Variants in GADL1 observed in about 807,000 individuals in gnomAD.
GADL1 encodes the protein acidic amino acid decarboxylase GADL1.
Under a neutral mutation model 69.5 loss-of-function variants are expected in GADL1, and 71 were observed. The ratio of observed to expected loss-of-function variants is 1.02; its 90% CI spans 0.84 to 1.25. The LOEUF (loss-of-function observed/expected upper bound fraction) is 1.25, where lower values mean the gene tolerates loss of function less well. GADL1 is among the 50% of genes most tolerant of loss of function. GADL1 has a pLI of 0.00. For missense variants in GADL1, 737 were observed against 631.8 expected (o/e 1.17, Z -1.79); for synonymous variants, 254 against 214.4 (o/e 1.18, Z -1.62).
chr3:30,799,026 C>G (rs1575210957), intron 12 of GADL1: 1 of 152,364 alleles, frequency 6.6e-6, no homozygotes, highest in Non-Finnish European at 1.5e-5. Flanking sequence ...GGTATAGCCC[C>G]CATCATGGCT....
At position 30,760,844 on chromosome 3, in the gene GADL1, A is replaced by T. The variant is rs555611223; in HGVS notation, c.1392+17335T>A. On this transcript the variant is annotated intron_variant, in intron 14 of 14. Coordinates refer to ENST00000282538, the MANE Select transcript of GADL1 (RefSeq NM_207359.3). ...ATGATGGGCAGCCTGTGGAGCCTCAAATATACTGATAAAGATGTCAAGCAG... is the reference window on the plus strand; with the variant it reads ...ATGATGGGCAGCCTGTGGAGCCTCATATATACTGATAAAGATGTCAAGCAG... Among the ~76,000 whole-genome samples, 3 of 152,256 alleles carry T rather than the reference A, an allele frequency of 2.0e-5. No individual in the cohort carries two copies. The East Asian group carries it at 5.8e-4, about 29-fold the overall frequency.
chr3:30,749,825 G>C (rs1262338292), intron 14 of GADL1, among the ~76,000 whole-genome samples: 4 of 152,078 alleles, frequency 2.6e-5, no homozygotes, highest in Non-Finnish European at 5.9e-5. Flanking sequence ...TTATACTCAG[G>C]GACCGGCAAT....
At chr3:30,766,160 A>G (rs1696270668) in intron 14 of GADL1, among the ~76,000 whole-genome samples, 1 of 152,224 alleles carries the variant, frequency 6.6e-6, no homozygotes, top group South Asian at 2.1e-4. Flanking sequence ...AAACAAGTAT[A>G]TATCTGAGGC....
chr3:30,809,261 C>T (rs1384369463), intron 11 of GADL1, among the ~76,000 whole-genome samples: 1 of 152,138 alleles, frequency 6.6e-6, no homozygotes. Flanking sequence ...TTTCTTTCTG[C>T]TGTAGATTTT....
In GADL1 at chr3:30,850,030, C is replaced by A. The variant is rs146157052; in HGVS notation, c.617G>T (p.Gly206Val). 521 of 1,609,516 alleles carry A rather than the reference C, an allele frequency of 3.2e-4. 1 individual carries two copies. The East Asian group carries it at 0.01, about 31-fold the overall frequency. Residue 206 changes from glycine to valine, a missense_variant, in exon 6 of 15, where the codon GGT (glycine) becomes GTT (valine). Gly to Val is a moderately radical substitution (Grantham distance 109). Transcript: ENST00000282538. ...TGTGAAAAGGATTAATCTTGGCGAA[C>A]CAGACAGCCCCTTTTCCTTAATATC... The part of the protein sequence containing the change: ...CPDIKEKGLS[G>V]SPRLILFTSA...
chr3:30,853,024 T>C (rs1453401395), intron 4 of GADL1, among the ~76,000 whole-genome samples: 3 of 152,166 alleles, frequency 2.0e-5, no homozygotes, highest in South Asian at 2.1e-4. Context: ...AGGCTCTTAG[T>C]TGAATATTCA....
In GADL1 at chr3:30,889,364, G is replaced by A. The variant is rs111427089; in HGVS notation, c.37+5214C>T. 3.0e-3 allele frequency among the ~76,000 whole-genome samples: 454 copies of A among 152,276 alleles called. 5 individuals carry two copies. The highest frequency in any genetic ancestry group is 9.6e-3 in the African/African-American group (399 of 41,554). ...GCCATCTTACTTTACAAAGTTTCTC[G>A]TTCCTGGAGCTGCCTTTGCAGACAA... On this transcript the variant is annotated intron_variant, in intron 1 of 14. Coordinates refer to ENST00000282538, the MANE Select transcript of GADL1 (RefSeq NM_207359.3).
intron 1 of GADL1, among the ~76,000 whole-genome samples, chr3:30,878,851 AG>A (rs951412921): frequency 1.3e-5 from 2 of 151,940 alleles, no homozygotes; most frequent in African/African-American, 4.8e-5. Flanking sequence ...GCTGAAAAAA[AG>A]GTAACAACAT....
chr3:30,862,651 A>G (rs1698338472), intron 1 of GADL1, among the ~76,000 whole-genome samples: 1 of 152,042 alleles, frequency 6.6e-6, no homozygotes, highest in South Asian at 2.1e-4. Context: ...ATGAAGATCC[A>G]TCTTGTATTG....
At chr3:30,733,586 C>CTCCTTCTT (rs1695497477) in intron 14 of GADL1, among the ~76,000 whole-genome samples, 1 of 133,504 alleles carries the variant, frequency 7.5e-6, no homozygotes, top group East Asian at 2.2e-4. Context: ...TTTTCCTTTT[C>CTCCTTCTT]TCCTTCCTTC....
In GADL1 at chr3:30,728,911, C is replaced by A. The variant is rs187389843; in HGVS notation, c.1393-496G>T. Among the ~76,000 whole-genome samples, 389 of 151,698 alleles carry A rather than the reference C, an allele frequency of 2.6e-3. 1 individual carries two copies. Among genetic ancestry groups the A allele is most frequent in the Non-Finnish European group, 4.6e-3 (315 of 67,894 alleles). Reference sequence around the variant, plus strand: ...GAAGGAAACCCTTCCAGTTGTCTACCAAGAAAAAACAAATATGGATATTAT... The same window carrying A: ...GAAGGAAACCCTTCCAGTTGTCTACAAAGAAAAAACAAATATGGATATTAT... On this transcript the variant is annotated intron_variant, in intron 14 of 14. Transcript: ENST00000282538.
intron 14 of GADL1, among the ~76,000 whole-genome samples, chr3:30,771,174 A>G (rs1696411747): frequency 6.6e-6 from 1 of 152,212 alleles, no homozygotes; most frequent in Admixed American, 6.5e-5. Context: ...CGAGAAAAGC[A>G]CTGAGTATTC....
At chr3:30,777,679 A>AT (rs112173599) in intron 14 of GADL1, among the ~76,000 whole-genome samples, 9,375 of 152,202 alleles carry the variant, frequency 0.062, 537 homozygotes, top group South Asian at 0.22. Flanking sequence ...TTCCAAGCAC[A>AT]TTTTGTTCGA....
intron 1 of GADL1, among the ~76,000 whole-genome samples, chr3:30,867,718 G>T (rs1698424290): frequency 1.3e-5 from 2 of 151,772 alleles, no homozygotes; most frequent in South Asian, 4.2e-4. Flanking sequence ...TGCTTTATGG[G>T]TATCTACCAT....
At chr3:30,868,667 T>C (rs987031656) in intron 1 of GADL1, among the ~76,000 whole-genome samples, 3 of 151,954 alleles carry the variant, frequency 2.0e-5, no homozygotes, top group Admixed American at 1.3e-4. Context: ...TCAGTCTATA[T>C]GAACTCTCTT....
intron 1 of GADL1, among the ~76,000 whole-genome samples, chr3:30,867,423 C>CATATATATATATATATATAT (rs148660336): frequency 1.0e-3 from 115 of 115,050 alleles, no homozygotes; most frequent in African/African-American, 3.1e-3. Context: ...TACAATACTA[C>CATATATATATATATATATAT]ATATATATAT....
chr3:30,883,517 T>C (rs978187863), intron 1 of GADL1, among the ~76,000 whole-genome samples: 2 of 151,990 alleles, frequency 1.3e-5, no homozygotes, highest in Non-Finnish European at 2.9e-5. Flanking sequence ...ACGTCTGTCT[T>C]TATGCTAGTA....
intron 14 of GADL1, among the ~76,000 whole-genome samples, chr3:30,766,507 T>TA (rs540034299): frequency 5.0e-3 from 758 of 152,308 alleles, no homozygotes; most frequent in African/African-American, 0.018. Context: ...GTGGTTTACA[T>TA]GTACTATCCT....
At chr3:30,729,019 T>C (rs1481524613) in intron 14 of GADL1, among the ~76,000 whole-genome samples, 1 of 152,176 alleles carries the variant, frequency 6.6e-6, no homozygotes, top group Non-Finnish European at 1.5e-5. Context: ...GAAAGTTAGA[T>C]ATTATTCTCA....
Sources: allele counts gnomAD v4.1 joint callset (sites outside exome capture counted in the v4.1 genomes callset), GRCh38; gene constraint gnomAD v4.1.1; transcripts MANE v1.5; gene names NCBI Gene and HGNC (gene_info 2026-07-23, HGNC 2026-07-21).